Variants in BCL2A1 observed in about 807,000 individuals in gnomAD.
BCL2A1 encodes the protein bcl-2-related protein A1.
BCL2A1 carries 10 observed loss-of-function variants against 14.4 expected under a neutral mutation model. That is an observed-to-expected ratio of 0.69 (90% CI 0.43 to 1.18). The LOEUF (loss-of-function observed/expected upper bound fraction) is 1.18, where lower values mean the gene tolerates loss of function less well. Ranked by LOEUF, BCL2A1 falls within the 50% of genes most tolerant of loss-of-function variation. The pLI is 0.00. For synonymous variants in BCL2A1, 71 were observed against 76.5 expected (o/e 0.93, Z 0.38); for missense variants, 158 against 205.0 (o/e 0.77, Z 1.40).
chr15:79,965,739 A>T (rs970725931), intron 1 of BCL2A1, among the ~76,000 whole-genome samples: 9 of 152,190 alleles, frequency 5.9e-5, no homozygotes, highest in African/African-American at 2.2e-4. Context: ...AGTCTCAAGT[A>T]AAAATTCAAA....
chr15:79,965,193 T>G (rs1006100838), intron 1 of BCL2A1, among the ~76,000 whole-genome samples: 2 of 152,160 alleles, frequency 1.3e-5, no homozygotes, highest in Non-Finnish European at 2.9e-5. Context: ...AGTGGCACGA[T>G]CTCACCTCAC....
intron 1 of BCL2A1, among the ~76,000 whole-genome samples, chr15:79,963,752 G>A (rs1413694154): frequency 6.6e-6 from 1 of 152,006 alleles, no homozygotes; most frequent in East Asian, 1.9e-4. Context: ...GAGGGTAGGG[G>A]GCACCAGAAA....
At chr15:79,967,515 A>C in intron 1 of BCL2A1, 251 of 1,106,532 alleles carry the variant, frequency 2.3e-4, no homozygotes, top group Non-Finnish European at 2.9e-4. Flanking sequence ...TGCACCCGGC[A>C]CATACCGCAT....
chr15:79,969,696 T>C (rs1170584818), intron 1 of BCL2A1, among the ~76,000 whole-genome samples: 2 of 152,246 alleles, frequency 1.3e-5, no homozygotes, highest in South Asian at 2.1e-4. Flanking sequence ...GTATAACATA[T>C]ATGTTATGTA....
At chr15:79,968,929 C>A (rs908062574) in intron 1 of BCL2A1, among the ~76,000 whole-genome samples, 4 of 152,102 alleles carry the variant, frequency 2.6e-5, no homozygotes, top group African/African-American at 9.7e-5. Context: ...AAAACTCTGT[C>A]TCAAAAAATT....
intron 1 of BCL2A1, among the ~76,000 whole-genome samples, chr15:79,969,570 G>A (rs976619973): frequency 6.6e-6 from 1 of 151,896 alleles, no homozygotes; most frequent in East Asian, 1.9e-4. Context: ...AAAATAAGTG[G>A]CAGCATTAGT....
chr15:79,967,622 C>A (rs16971619), intron 1 of BCL2A1: 5 of 1,575,246 alleles, frequency 3.2e-6, no homozygotes, highest in Non-Finnish European at 4.4e-6. Flanking sequence ...CTGTAAGTGC[C>A]TTCTCTACTC....
intron 1 of BCL2A1, among the ~76,000 whole-genome samples, chr15:79,964,738 G>A (rs1189792221): frequency 6.6e-6 from 1 of 152,190 alleles, no homozygotes; most frequent in Non-Finnish European, 1.5e-5. Context: ...CTATTATGAA[G>A]GCAATAAAGT....
chr15:79,970,638 A>C, intron 1 of BCL2A1, 62 bp downstream of exon 1: 4 of 1,476,782 alleles, frequency 2.7e-6, no homozygotes, highest in Non-Finnish European at 3.6e-6. Flanking sequence ...TTAACTAGCA[A>C]GGAAATTCTC....
intron 1 of BCL2A1, 33 bp from the exon 2 acceptor site, chr15:79,961,207 C>T (rs2141702546): frequency 6.3e-7 from 1 of 1,583,850 alleles, no homozygotes; most frequent in East Asian, 2.2e-5. Flanking sequence ...CTTTAAACAT[C>T]ATTGGAGATT....
chr15:79,961,039 G>T lies in BCL2A1; in HGVS notation c.*28C>A. 1 of 1,612,004 alleles carries T rather than the reference G, an allele frequency of 6.2e-7. No homozygotes were observed. The highest frequency in any genetic ancestry group is 1.7e-5 in the Admixed American group (1 of 59,870). The stretch of plus-strand genomic sequence containing the variant: ...CATATCAGTCAGAAAAATTAGGCCG[G>T]TTTCACAATATGGAGTGTCCTTTCT... On this transcript the variant is annotated 3_prime_UTR_variant, in exon 2 of 2. Transcript: ENST00000267953.
chr15:79,961,559 C>T (rs1230973854), intron 1 of BCL2A1, among the ~76,000 whole-genome samples: 1 of 152,148 alleles, frequency 6.6e-6, no homozygotes, highest in Admixed American at 6.5e-5. Flanking sequence ...CCATAGTGGA[C>T]AGCAAGCACA....
rs141166047 is a variant in BCL2A1, at chr15:79,970,947, T to C, written c.173A>G (p.Asn58Ser). The C allele has an allele frequency of 5.9e-5, 96 of 1,614,134 alleles. No individual in the cohort carries two copies. Among genetic ancestry groups the C allele is most frequent in the Non-Finnish European group, 8.1e-5 (95 of 1,180,042 alleles). The change falls in exon 1 of 2, where the codon AAT becomes AGT. Residue 58 changes from asparagine (N) to serine (S), a missense_variant. Physicochemically the swap from Asn to Ser is conservative, Grantham distance 46. Coordinates refer to ENST00000267953, the MANE Select transcript of BCL2A1 (RefSeq NM_004049.4). ...AGTGTCTACGGACACAACATTAACA[T>C]TGTCCAAGCATGACTTCAGATTCTT... ...VEKNLKSCLDNVNVVSVDTAR... is the reference protein window; with the variant it reads ...VEKNLKSCLDSVNVVSVDTAR...
Position 79,960,959 on chromosome 15 carries a change from T to C in BCL2A1, c.*108A>G. 6.5e-7 allele frequency: 1 copy of C among 1,539,460 alleles called. No homozygotes were observed. Among genetic ancestry groups the C allele is most frequent in the Non-Finnish European group, 8.9e-7 (1 of 1,122,698 alleles). On this transcript the variant is annotated 3_prime_UTR_variant, in exon 2 of 2. Transcript: ENST00000267953. The stretch of plus-strand genomic sequence containing the variant: ...ATTTCCATAACTCTGGAAGGTCAAG[T>C]TACATCATCAAAGTTGTTTATTTAA...
chr15:79,965,871 CTTAG>C (rs750375207), intron 1 of BCL2A1, among the ~76,000 whole-genome samples: 36 of 151,480 alleles, frequency 2.4e-4, no homozygotes, highest in Non-Finnish European at 4.7e-4. Flanking sequence ...AAAGTGAACA[CTTAG>C]TTAATCATCT....
intron 1 of BCL2A1, among the ~76,000 whole-genome samples, chr15:79,965,987 CTT>C (rs2035537713): frequency 6.6e-6 from 1 of 151,248 alleles, no homozygotes; most frequent in African/African-American, 2.4e-5. Flanking sequence ...AAAAAAACCT[CTT>C]GACCTAACTG....
intron 1 of BCL2A1, among the ~76,000 whole-genome samples, chr15:79,966,531 G>A (rs1461463160): frequency 1.3e-5 from 2 of 152,186 alleles, no homozygotes; most frequent in South Asian, 2.1e-4. Flanking sequence ...CTTCATTGAA[G>A]GGGGAGGAAG....
In BCL2A1 at chr15:79,970,679, G is replaced by T. The variant is rs769809580; in HGVS notation, c.420+21C>A. 5.8e-6 allele frequency: 9 copies of T among 1,564,662 alleles called. No homozygotes were observed. The African/African-American group carries it at 1.1e-4, about 19-fold the overall frequency. The stretch of plus-strand genomic sequence containing the variant: ...CTATTTCACAGGAAAGAACAATGAA[G>T]AATTTTTCCATCACACATACCCAGC... On this transcript the variant is annotated intron_variant, in intron 1 of 1. Coordinates refer to ENST00000267953, the MANE Select transcript of BCL2A1 (RefSeq NM_004049.4).
chr15:79,964,922 G>T (rs898102482), intron 1 of BCL2A1, among the ~76,000 whole-genome samples: 2 of 152,170 alleles, frequency 1.3e-5, no homozygotes, highest in Non-Finnish European at 2.9e-5. Flanking sequence ...CAAAGGCCTT[G>T]AGGGTGGAAT....
Sources: allele counts gnomAD v4.1 joint callset (sites outside exome capture counted in the v4.1 genomes callset), GRCh38; gene constraint gnomAD v4.1.1; transcripts MANE v1.5; gene names NCBI Gene and HGNC (gene_info 2026-07-23, HGNC 2026-07-21).